The following TRIM49B variants were observed in gnomAD, a reference collection of about 807,000 sequenced individuals.
TRIM49B encodes putative tripartite motif-containing protein 49B.
TRIM49B carries 18 observed loss-of-function variants against 31.8 expected under a neutral mutation model. The observed-to-expected ratio is 0.57, with a 90% CI of 0.39 to 0.84. The LOEUF is 0.84. Among genes scored for constraint, TRIM49B ranks in the 40% least tolerant of loss-of-function variants. The pLI, the probability that TRIM49B is intolerant of heterozygous loss-of-function variation, is 0.00. For missense variants in TRIM49B, 494 were observed against 538.7 expected (o/e 0.92, Z 0.82); for synonymous variants, 196 against 180.6 (o/e 1.09, Z -0.68).
At chr11:49,030,301 C>T (rs1414464007) in intron 1 of TRIM49B, among the ~76,000 whole-genome samples, 2 of 152,054 alleles carry the variant, frequency 1.3e-5, no homozygotes, top group Admixed American at 6.5e-5. Flanking sequence ...CACGCCACTG[C>T]ATTTCAGCCT....
At chr11:49,031,520 A>G in intron 1 of TRIM49B, 76 bp from the exon 2 acceptor site, 28 of 1,564,330 alleles carry the variant, frequency 1.8e-5, no homozygotes, top group Non-Finnish European at 2.1e-5. Flanking sequence ...AAATATAACT[A>G]TCACATATCT....
At chr11:49,030,069 C>T (rs1017667190) in intron 1 of TRIM49B, among the ~76,000 whole-genome samples, 3 of 152,158 alleles carry the variant, frequency 2.0e-5, no homozygotes, top group Non-Finnish European at 2.9e-5. Context: ...CACTGTGGCA[C>T]GTGCCTATAA....
chr11:49,031,698 C>T lies in TRIM49B; in HGVS notation c.99C>T (p.Ser33=). The change falls in exon 2 of 7, where the codon AGC becomes AGT. Residue 33 remains serine (S), a synonymous_variant. Coordinates refer to ENST00000332682, the MANE Select transcript of TRIM49B (RefSeq NM_001206626.2). ...IDPVTIDCGH[S]FCRPCFYLNW... ...CGGTCACCATAGACTGTGGGCACAGCTTTTGCAGGCCTTGTTTCTACCTCA... is the reference window on the plus strand; with the variant it reads ...CGGTCACCATAGACTGTGGGCACAGTTTTTGCAGGCCTTGTTTCTACCTCA... The T allele has an allele frequency of 1.2e-6, 2 of 1,613,978 alleles. No homozygotes were observed. The highest frequency in any genetic ancestry group is 1.3e-5 in the African/African-American group (1 of 75,052).
rs575723731 is a variant in TRIM49B at position 49,034,340 on chromosome 11, C to T, written c.702C>T (p.Asn234=). 6.8e-6 allele frequency: 11 copies of T among 1,611,824 alleles called. No homozygotes were observed. Among genetic ancestry groups the T allele is most frequent in the African/African-American group, 4.0e-5 (3 of 74,852 alleles). The change falls in exon 4 of 7, where the codon AAC becomes AAT. Residue 234 remains asparagine (N), a synonymous_variant. Coordinates refer to ENST00000332682, the MANE Select transcript of TRIM49B (RefSeq NM_001206626.2). Reference sequence around the variant, plus strand: ...TAAGAGGAATGTATGAGGAGCTGAACGAAATGTGCCATAAACCAGATGTGG... The same window carrying T: ...TAAGAGGAATGTATGAGGAGCTGAATGAAATGTGCCATAAACCAGATGTGG... The part of the protein sequence containing the change: ...EILRGMYEEL[N]EMCHKPDVEL...
rs774380707 is a variant in TRIM49B, at chr11:49,031,630, A to C, written c.31A>C (p.Arg11=). 2 of 1,613,944 alleles carry C rather than the reference A, an allele frequency of 1.2e-6. No homozygotes were observed. Among genetic ancestry groups the C allele is most frequent in the Non-Finnish European group, 1.7e-6 (2 of 1,179,878 alleles). MNSGILQVFQ[R]ELICPICMNY... ...TTCTGGAATCTTACAGGTCTTTCAGAGGGAACTCATCTGCCCCATCTGCAT... is the reference window on the plus strand; with the variant it reads ...TTCTGGAATCTTACAGGTCTTTCAGCGGGAACTCATCTGCCCCATCTGCAT... Residue 11 remains arginine, a synonymous_variant, in exon 2 of 7, where the codon AGG becomes CGG. Coordinates refer to ENST00000332682, the MANE Select transcript of TRIM49B (RefSeq NM_001206626.2).
chr11:49,035,377 T>TTTTTTTTTTTTTTTTA (rs1854512568), intron 5 of TRIM49B, among the ~76,000 whole-genome samples: 1 of 94,638 alleles, frequency 1.1e-5, no homozygotes. Context: ...TTTTTTTTTT[T>TTTTTTTTTTTTTTTTA]GAGACGGTGT....
chr11:49,032,004 A>G lies in TRIM49B; in HGVS notation c.405A>G (p.Glu135=), dbSNP rs1319435912. The change falls in exon 2 of 7, where the codon GAA becomes GAG. Residue 135 remains glutamate (E), a synonymous_variant. Coordinates refer to ENST00000332682, the MANE Select transcript of TRIM49B (RefSeq NM_001206626.2). ...RHCPIESAAE[E]HQEKLLQKMQ... is the part of the protein sequence containing the mutation. ...GTCCCATTGAGTCGGCTGCTGAGGA[A>G]CACCAGGTAAGTGATGGCTCTGAAG... 25 of 1,611,882 alleles carry G rather than the reference A, an allele frequency of 1.6e-5. No homozygotes were observed. The East Asian group carries it at 4.9e-4, about 32-fold the overall frequency.
chr11:49,029,396 A>T lies in TRIM49B; in HGVS notation c.-5+421A>T, dbSNP rs533627320. On this transcript the variant is annotated intron_variant, in intron 1 of 6. Coordinates refer to ENST00000332682, the MANE Select transcript of TRIM49B (RefSeq NM_001206626.2). ...TTAGTAAGGTAATGATGAACGATGC[A>T]AAATAGTGAAACTAAAACAATGAGA... is the stretch of plus-strand genomic sequence containing the variant. Among the ~76,000 whole-genome samples, 46 of 152,342 alleles carry T rather than the reference A, an allele frequency of 3.0e-4. No homozygotes were observed. In the East Asian group the frequency reaches 8.3e-3, roughly 27 times the overall value.
At chr11:49,029,308 G>T (rs916982281) in intron 1 of TRIM49B, among the ~76,000 whole-genome samples, 22 of 152,142 alleles carry the variant, frequency 1.4e-4, no homozygotes, top group Non-Finnish European at 2.9e-4. Context: ...GAATTGAGAA[G>T]GCATTAATGA....
chr11:49,031,698 C>A lies in TRIM49B; in HGVS notation c.99C>A (p.Ser33Arg). ...CGGTCACCATAGACTGTGGGCACAG[C>A]TTTTGCAGGCCTTGTTTCTACCTCA... ...IDPVTIDCGH[S>R]FCRPCFYLNW... is the part of the protein sequence containing the mutation. Residue 33 changes from serine to arginine, a missense_variant, in exon 2 of 7, where the codon AGC (serine) becomes AGA (arginine). Ser to Arg is a moderately radical substitution (Grantham distance 110, BLOSUM62 -1). Transcript: ENST00000332682. 1 of 1,613,978 alleles carries A rather than the reference C, an allele frequency of 6.2e-7. No homozygotes were observed. Among genetic ancestry groups the A allele is most frequent in the Non-Finnish European group, 8.5e-7 (1 of 1,179,862 alleles).
In TRIM49B at chr11:49,034,210, A is replaced by C. The variant is rs773239354; in HGVS notation, c.572A>C (p.His191Pro). ...AEYQKMPAFH[H>P]EEEKHNLEML... Reference sequence around the variant, plus strand: ...TATCAGAAGATGCCTGCATTTCACCATGAAGAAGAAAAACATAATTTGGAG... The same window carrying C: ...TATCAGAAGATGCCTGCATTTCACCCTGAAGAAGAAAAACATAATTTGGAG... Residue 191 changes from histidine to proline, a missense_variant, in exon 4 of 7, where the codon CAT (histidine) becomes CCT (proline). By Grantham distance (77) the His-to-Pro change is moderately conservative. Around this residue, in one of 3 missense-constraint regions of TRIM49B, gnomAD observed 251 missense variants for 232.8 expected, o/e 1.08. Coordinates refer to ENST00000332682, the MANE Select transcript of TRIM49B (RefSeq NM_001206626.2). 70 of 1,611,860 alleles carry C rather than the reference A, an allele frequency of 4.3e-5. 1 individual carries two copies. In the South Asian group the frequency reaches 7.5e-4, roughly 17 times the overall value.
chr11:49,033,376 T>C (rs1854477871), intron 3 of TRIM49B, among the ~76,000 whole-genome samples: 1 of 151,838 alleles, frequency 6.6e-6, no homozygotes, highest in Admixed American at 6.6e-5. Context: ...TGAAACAAAG[T>C]TTTGAAGAGG....
intron 1 of TRIM49B, among the ~76,000 whole-genome samples, chr11:49,029,958 C>A (rs1340702021): frequency 6.6e-6 from 1 of 152,094 alleles, no homozygotes; most frequent in African/African-American, 2.4e-5. Flanking sequence ...ATTGTAGGAA[C>A]AATAGGCTAT....
chr11:49,031,667 T>C lies in TRIM49B; in HGVS notation c.68T>C (p.Ile23Thr), dbSNP rs748513985. ...LICPICMNYF[I>T]DPVTIDCGHS... ...TGCCCCATCTGCATGAACTACTTCA[T>C]AGACCCGGTCACCATAGACTGTGGG... The change falls in exon 2 of 7, where the codon ATA becomes ACA. Residue 23 changes from isoleucine (I) to threonine (T), a missense_variant. Transcript: ENST00000332682. 3.7e-6 allele frequency: 6 copies of C among 1,613,868 alleles called. No homozygotes were observed. The Admixed American group carries it at 1.0e-4, about 27-fold the overall frequency.
Position 49,031,592 on chromosome 11 carries a change from T to C in TRIM49B, c.-4-4T>C. On this transcript the variant is annotated splice_region_variant and splice_polypyrimidine_tract_variant and intron_variant, in intron 1 of 6. Transcript: ENST00000332682. Reference sequence around the variant, plus strand: ...AAAATGACATGTTTCTCTTTGTTCCTCAGAAACATGAATTCTGGAATCTTA... The same window carrying C: ...AAAATGACATGTTTCTCTTTGTTCCCCAGAAACATGAATTCTGGAATCTTA... 6.2e-7 allele frequency: 1 copy of C among 1,613,314 alleles called. No homozygotes were observed. The highest frequency in any genetic ancestry group is 8.5e-7 in the Non-Finnish European group (1 of 1,179,732).
rs544760843 is a variant in TRIM49B, at chr11:49,037,971, C to T, written c.1353C>T (p.His451=). Residue 451 remains histidine (H), a synonymous_variant, in exon 7 of 7, where the codon CAC becomes CAT. Transcript: ENST00000332682. ...TCAGGCCTATCTTTTGCTGTATTCA[C>T]TTCTGACCAGAGACAAATCAGAAAT... ...PPLRPIFCCI[H]F is the part of the protein sequence containing the mutation. The T allele has an allele frequency of 4.4e-6, 7 of 1,608,238 alleles. No homozygotes were observed. Among genetic ancestry groups the T allele is most frequent in the African/African-American group, 2.7e-5 (2 of 74,658 alleles).
chr11:49,037,357 T>G, intron 6 of TRIM49B, 121 bp from the exon 7 acceptor site: 1 of 1,248,658 alleles, frequency 8.0e-7, no homozygotes, highest in Non-Finnish European at 1.1e-6. Context: ...TCTCTATACT[T>G]TACTAGAAGT....
chr11:49,032,721 G>A (rs530061833), intron 3 of TRIM49B, among the ~76,000 whole-genome samples: 46 of 152,050 alleles, frequency 3.0e-4, no homozygotes, highest in Admixed American at 1.9e-3. Flanking sequence ...GGCAGTCATG[G>A]AATGCTCAGC....
At position 49,037,887 on chromosome 11, in the gene TRIM49B, T is replaced by G; in HGVS notation, c.1269T>G (p.Val423=). 6.2e-7 allele frequency: 1 copy of G among 1,613,876 alleles called. No homozygotes were observed. The highest frequency in any genetic ancestry group is 1.7e-4 in the Middle Eastern group (1 of 6,052). Residue 423 remains valine, a synonymous_variant, in exon 7 of 7, where the codon GTT becomes GTG. Transcript: ENST00000332682. ...LDCEAKTVSF[V]DVNQSSLIYT... ...GTGAGGCTAAGACTGTGAGCTTTGT[T>G]GATGTTAATCAAAGCTCCCTAATAT...
Sources: gnomAD v4.1 joint callset for allele counts (sites outside exome capture counted in the v4.1 genomes callset) on GRCh38, gnomAD v4.1.1 for gene constraint, gnomAD v4.1.1 regional missense constraint, MANE v1.5 for transcripts, NCBI Gene and HGNC (gene_info 2026-07-23, HGNC 2026-07-21) for gene names.